The following OXR1 variants were observed in gnomAD, a reference collection of about 807,000 sequenced individuals.
The protein encoded by OXR1 is oxidation resistance protein 1.
In OXR1, 41 loss-of-function variants were observed where a neutral mutation model predicts 104.6. The observed-to-expected ratio is 0.39, with a 90% CI of 0.31 to 0.51. The LOEUF is 0.51. Ranked by LOEUF, OXR1 falls within the 20% of genes least tolerant of loss-of-function variation. The pLI, the probability that OXR1 is intolerant of heterozygous loss-of-function variation, is 0.77. For missense variants in OXR1, 955 were observed against 1,031.9 expected, an observed-to-expected ratio of 0.93 and a Z score of 1.02; for synonymous variants, 348 against 348.4, an observed-to-expected ratio of 1.00 and a Z score of 0.01.
At position 106,706,660 on chromosome 8, in the gene OXR1, G is replaced by A. The variant is rs1357363109; in HGVS notation, c.1139G>A (p.Ser380Asn). ...ACTGTCAATCAGGCTGAAGTAGAAA[G>A]TCTGACAGTCAAATCAGAATCTACT... Reference protein sequence around the residue: ...VQTVNQAEVESLTVKSESTGT... With the variant: ...VQTVNQAEVENLTVKSESTGT... The change falls in exon 9 of 17, where the codon AGT becomes AAT. Residue 380 changes from serine (S) to asparagine (N), a missense_variant. By Grantham distance (46) the Ser-to-Asn change is conservative. Transcript: ENST00000517566. 2 of 1,613,576 alleles carry A rather than the reference G, an allele frequency of 1.2e-6. No homozygotes were observed. The highest frequency in any genetic ancestry group is 2.7e-5 in the African/African-American group (2 of 75,020).
intron 3 of OXR1, among the ~76,000 whole-genome samples, chr8:106,589,441 C>T (rs1408796193): frequency 1.3e-5 from 2 of 151,496 alleles, no homozygotes; most frequent in African/African-American, 4.9e-5. Context: ...GGCCCCAGGA[C>T]TCTCCAGATT....
intron 9 of OXR1, 124 bp from the exon 10 acceptor site, chr8:106,710,498 T>C (rs1831583400): frequency 6.1e-6 from 3 of 490,002 alleles, no homozygotes; most frequent in Non-Finnish European, 1.0e-5. Flanking sequence ...AAATGTACTT[T>C]AGCACCACTA....
chr8:106,364,359 C>T (rs1201203879), intron 2 of OXR1, among the ~76,000 whole-genome samples: 2 of 152,120 alleles, frequency 1.3e-5, no homozygotes, highest in East Asian at 1.9e-4. Context: ...GCGGGTGGAT[C>T]ACTTGAAGTC....
intron 1 of OXR1, among the ~76,000 whole-genome samples, chr8:106,292,298 T>G (rs1812787500): frequency 6.6e-6 from 1 of 152,142 alleles, no homozygotes; most frequent in Non-Finnish European, 1.5e-5. Flanking sequence ...AGTTCTCAAC[T>G]TAATAAGGAA....
intron 1 of OXR1, among the ~76,000 whole-genome samples, chr8:106,339,897 T>C (rs1035868392): frequency 6.6e-6 from 1 of 152,068 alleles, no homozygotes; most frequent in Non-Finnish European, 1.5e-5. Flanking sequence ...AGAACAAAGT[T>C]TAAAATGTAG....
At chr8:106,619,468 T>G (rs1353032490) in intron 3 of OXR1, among the ~76,000 whole-genome samples, 2 of 152,212 alleles carry the variant, frequency 1.3e-5, no homozygotes, top group Non-Finnish European at 2.9e-5. Flanking sequence ...AATTATCAAG[T>G]GAAATGTTTA....
chr8:106,486,252 AAAAAT>A (rs770294440), intron 2 of OXR1, among the ~76,000 whole-genome samples: 37 of 152,264 alleles, frequency 2.4e-4, no homozygotes, highest in Admixed American at 5.9e-4. Flanking sequence ...TGATTTTTTA[AAAAAT>A]AAAATAAAAC....
intron 3 of OXR1, among the ~76,000 whole-genome samples, chr8:106,569,896 TG>T (rs962608233): frequency 6.6e-6 from 1 of 152,206 alleles, no homozygotes; most frequent in African/African-American, 2.4e-5. Flanking sequence ...GAAATGTCTG[TG>T]TGGGAGCTGT....
chr8:106,427,693 A>G (rs754576585), intron 2 of OXR1, among the ~76,000 whole-genome samples: 12 of 152,190 alleles, frequency 7.9e-5, no homozygotes, highest in Non-Finnish European at 1.5e-4. Flanking sequence ...ACTTGGGGCT[A>G]TGTGAAGACT....
At chr8:106,626,442 C>A (rs1211112082) in intron 3 of OXR1, among the ~76,000 whole-genome samples, 2 of 151,372 alleles carry the variant, frequency 1.3e-5, no homozygotes, top group East Asian at 3.9e-4. Context: ...AGTTTGGTGT[C>A]TTTTCCCTTT....
At chr8:106,698,295 G>A (rs750813927) in intron 7 of OXR1, among the ~76,000 whole-genome samples, 1 of 152,164 alleles carries the variant, frequency 6.6e-6, no homozygotes, top group Non-Finnish European at 1.5e-5. Context: ...GTTAAAAAAT[G>A]TGTCTATCTT....
At chr8:106,697,712 C>T (rs1470109182) in intron 7 of OXR1, 1 of 1,614,052 alleles carries the variant, frequency 6.2e-7, no homozygotes, top group Admixed American at 1.7e-5. Flanking sequence ...CCATAGCGCT[C>T]AGCTGCTTGC....
chr8:106,625,093 A>C (rs914687239), intron 3 of OXR1, among the ~76,000 whole-genome samples: 1 of 152,196 alleles, frequency 6.6e-6, no homozygotes, highest in Non-Finnish European at 1.5e-5. Context: ...CACCTGGCCA[A>C]GCCTAATGTT....
intron 2 of OXR1, among the ~76,000 whole-genome samples, chr8:106,469,614 A>G (rs1330079142): frequency 2.0e-5 from 3 of 151,900 alleles, no homozygotes; most frequent in Non-Finnish European, 4.4e-5. Context: ...TTGAGTAAGC[A>G]GCACAATTTA....
At position 106,563,504 on chromosome 8, in the gene OXR1, C is replaced by T. The variant is rs183012372; in HGVS notation, c.220+44365C>T. On this transcript the variant is annotated intron_variant, in intron 3 of 16. Coordinates refer to ENST00000517566, the MANE Select transcript of OXR1 (RefSeq NM_001198533.2). ...GATTCATAAAGCAAGTTCTTAGAGA[C>T]GTAAAAAGAGACTAAGACTCCCACA... Among the ~76,000 whole-genome samples the T allele has an allele frequency of 2.2e-3, 335 of 152,120 alleles. 1 individual carries two copies. Among genetic ancestry groups the T allele is most frequent in the African/African-American group, 6.5e-3 (268 of 41,500 alleles).
intron 3 of OXR1, among the ~76,000 whole-genome samples, chr8:106,547,532 T>C (rs552702215): frequency 6.7e-6 from 1 of 148,872 alleles, no homozygotes; most frequent in Non-Finnish European, 1.5e-5. Context: ...GAAACTCTGT[T>C]GCCCAGGCTG....
At chr8:106,280,575 T>C (rs2130493391) in intron 1 of OXR1, among the ~76,000 whole-genome samples, 1 of 152,164 alleles carries the variant, frequency 6.6e-6, no homozygotes, top group Admixed American at 6.5e-5. Flanking sequence ...AGGGGATGGG[T>C]GATGGGGGCA....
chr8:106,270,544 G>A (rs1811752771), intron 1 of OXR1, among the ~76,000 whole-genome samples, 177 bp downstream of exon 1: 1 of 152,184 alleles, frequency 6.6e-6, no homozygotes, highest in African/African-American at 2.4e-5. Context: ...TGGGATGCTC[G>A]AGCGGGGACG....
chr8:106,619,295 CT>C (rs1263654933), intron 3 of OXR1, among the ~76,000 whole-genome samples: 1 of 152,080 alleles, frequency 6.6e-6, no homozygotes, highest in South Asian at 2.1e-4. Context: ...ACTATCTTTT[CT>C]TTTTATCTGG....
Sources: gnomAD v4.1 joint callset for allele counts (sites outside exome capture counted in the v4.1 genomes callset) on GRCh38, gnomAD v4.1.1 for gene constraint, MANE v1.5 for transcripts, NCBI Gene and HGNC (gene_info 2026-07-23, HGNC 2026-07-21) for gene names.